Variants in NAALADL2 observed in about 807,000 individuals in gnomAD.
NAALADL2 encodes the protein inactive N-acetylated-alpha-linked acidic dipeptidase-like protein 2.
Under a neutral mutation model 87.2 loss-of-function variants are expected in NAALADL2, and 76 were observed. The ratio of observed to expected loss-of-function variants is 0.87; its 90% CI spans 0.72 to 1.05. The LOEUF is 1.05. Ranked by LOEUF, NAALADL2 falls within the 50% of genes least tolerant of loss-of-function variation. The probability of loss-of-function intolerance (pLI) is 0.00; values close to 1 mark genes in which losing one functional copy is unlikely to be tolerated. For missense variants in NAALADL2, 1,089 were observed against 945.8 expected (o/e 1.15, Z -1.99); for synonymous variants, 354 against 331.0 (o/e 1.07, Z -0.75).
chr3:175,378,982 A>C (rs1367339070), intron 5 of NAALADL2, among the ~76,000 whole-genome samples: 1 of 152,118 alleles, frequency 6.6e-6, no homozygotes, highest in African/African-American at 2.4e-5. Context: ...TAACACTCCA[A>C]GATTTTTATT....
intron 1 of NAALADL2, among the ~76,000 whole-genome samples, chr3:174,985,477 A>G (rs1362730101): frequency 6.6e-6 from 1 of 152,206 alleles, no homozygotes; most frequent in Non-Finnish European, 1.5e-5. Flanking sequence ...AATGGGCACA[A>G]TCTCCCTGGA....
At chr3:175,433,729 C>A (rs528492880) in intron 5 of NAALADL2, among the ~76,000 whole-genome samples, 220 of 151,990 alleles carry the variant, frequency 1.4e-3, no homozygotes, top group African/African-American at 4.9e-3. Flanking sequence ...ATTTGGGTTC[C>A]ATTTCATAAA....
chr3:175,211,982 A>C (rs990961940), intron 2 of NAALADL2, among the ~76,000 whole-genome samples: 2 of 151,810 alleles, frequency 1.3e-5, no homozygotes, highest in African/African-American at 4.8e-5. Context: ...CCACATATTA[A>C]AAATATCGTA....
At chr3:175,489,405 A>G (rs984563359) in intron 9 of NAALADL2, among the ~76,000 whole-genome samples, 7 of 152,222 alleles carry the variant, frequency 4.6e-5, no homozygotes. Context: ...CTCATTACCC[A>G]TATTCCAGAA....
rs1179123489 is a variant in NAALADL2 at position 175,808,658 on chromosome 3, C to A, written c.*5455C>A. ...CCAGGGGCTAATTAATATGCACCACCTAAGTCCCCAAAGGATCACACAGGT... is the reference window on the plus strand; with the variant it reads ...CCAGGGGCTAATTAATATGCACCACATAAGTCCCCAAAGGATCACACAGGT... On this transcript the variant is annotated 3_prime_UTR_variant, in exon 14 of 14. Coordinates refer to ENST00000454872, the MANE Select transcript of NAALADL2 (RefSeq NM_207015.3). The A allele has an allele frequency of 6.6e-6, 1 of 151,952 alleles. No individual in the cohort carries two copies. Among genetic ancestry groups the A allele is most frequent in the Non-Finnish European group, 1.5e-5 (1 of 67,930 alleles). 9.4% of individuals were successfully genotyped at this position (151,952 alleles called of 1,614,324 possible). A position where few individuals can be genotyped will look rare whatever the true frequency, so the allele number is the denominator to read the frequency against.
chr3:175,573,942 A>G (rs898958858), intron 9 of NAALADL2, among the ~76,000 whole-genome samples: 6 of 152,362 alleles, frequency 3.9e-5, no homozygotes, highest in African/African-American at 1.4e-4. Context: ...CACATTAAGC[A>G]GAAACACTGC....
At chr3:174,924,812 G>A (rs541180549) in intron 1 of NAALADL2, among the ~76,000 whole-genome samples, 17 of 152,314 alleles carry the variant, frequency 1.1e-4, no homozygotes, top group African/African-American at 3.6e-4. Flanking sequence ...CTGATGGCCA[G>A]TGATGATGAG....
At chr3:175,231,787 A>G (rs868587850) in intron 2 of NAALADL2, among the ~76,000 whole-genome samples, 1 of 152,258 alleles carries the variant, frequency 6.6e-6, no homozygotes, top group South Asian at 2.1e-4. Context: ...AATAAAATAT[A>G]TATTTTGAAA....
At chr3:175,509,796 TTACA>T (rs1440988561) in intron 9 of NAALADL2, among the ~76,000 whole-genome samples, 1 of 152,170 alleles carries the variant, frequency 6.6e-6, no homozygotes, top group Non-Finnish European at 1.5e-5. Flanking sequence ...CTCAGGAAAC[TTACA>T]GTTGTGGCAG....
chr3:174,798,855 T>G (rs1588896), intron 3 of NAALADL2, among the ~76,000 whole-genome samples: 67,173 of 151,836 alleles, frequency 0.44, 14,987 homozygotes, highest in Admixed American at 0.46. Context: ...TATGCAAGAT[T>G]ATGTCATATG....
intron 9 of NAALADL2, among the ~76,000 whole-genome samples, chr3:175,554,487 C>T (rs1259826009): frequency 3.3e-5 from 5 of 151,952 alleles, no homozygotes; most frequent in Non-Finnish European, 5.9e-5. Context: ...ATATTCCCTA[C>T]TTATATAATA....
chr3:174,977,534 C>A (rs1161205757), intron 1 of NAALADL2, among the ~76,000 whole-genome samples: 1 of 152,104 alleles, frequency 6.6e-6, no homozygotes, highest in Non-Finnish European at 1.5e-5. Context: ...AATGCTTTTC[C>A]AAAGTAATTT....
At chr3:175,489,333 T>C (rs936189403) in intron 9 of NAALADL2, among the ~76,000 whole-genome samples, 5 of 152,184 alleles carry the variant, frequency 3.3e-5, no homozygotes, top group African/African-American at 1.2e-4. Flanking sequence ...CATGGATTGA[T>C]TAATTAAAAA....
chr3:175,620,593 C>T (rs994959097), intron 10 of NAALADL2, among the ~76,000 whole-genome samples: 5 of 152,170 alleles, frequency 3.3e-5, no homozygotes, highest in Non-Finnish European at 7.3e-5. Context: ...GAGTAACACT[C>T]AGTGGCTTTT....
intron 3 of NAALADL2, among the ~76,000 whole-genome samples, chr3:174,756,066 T>A (rs939228038): frequency 2.6e-5 from 4 of 152,218 alleles, no homozygotes; most frequent in African/African-American, 9.6e-5. Flanking sequence ...AGCGGGAGAC[T>A]GAAGTAGCCA....
intron 1 of NAALADL2, among the ~76,000 whole-genome samples, chr3:174,919,431 C>A (rs908524254): frequency 5.3e-5 from 8 of 152,166 alleles, no homozygotes; most frequent in African/African-American, 1.9e-4. Context: ...TCACCAGGAG[C>A]ACATGCCATC....
chr3:174,462,347 A>T (rs941854808), intron 1 of NAALADL2, among the ~76,000 whole-genome samples: 1 of 152,188 alleles, frequency 6.6e-6, no homozygotes, highest in African/African-American at 2.4e-5. Flanking sequence ...ATCAAATCAG[A>T]ATACATAACC....
At chr3:175,141,559 C>T (rs958845015) in intron 2 of NAALADL2, among the ~76,000 whole-genome samples, 3 of 151,832 alleles carry the variant, frequency 2.0e-5, no homozygotes, top group Non-Finnish European at 4.4e-5. Flanking sequence ...ATGAACTTTG[C>T]TAAAAAGTTG....
chr3:175,235,211 A>T (rs940895537), intron 3 of NAALADL2: 1 of 152,182 alleles, frequency 6.6e-6, no homozygotes, highest in African/African-American at 2.4e-5. Context: ...TAAATCATTT[A>T]AAATTACTTT....
Sources: gnomAD v4.1 joint callset for allele counts (sites outside exome capture counted in the v4.1 genomes callset) on GRCh38, gnomAD v4.1.1 for gene constraint, MANE v1.5 for transcripts, NCBI Gene and HGNC (gene_info 2026-07-23, HGNC 2026-07-21) for gene names.